Variants in TIAM1 observed in about 807,000 individuals in gnomAD.
The protein encoded by TIAM1 is rho guanine nucleotide exchange factor TIAM1.
In TIAM1, 65 loss-of-function variants were observed where a neutral mutation model predicts 163.5. The ratio of observed to expected loss-of-function variants is 0.40; its 90% CI spans 0.33 to 0.49. TIAM1 has a LOEUF of 0.49. TIAM1 is among the 20% of genes least tolerant of loss of function. The pLI, the probability that TIAM1 is intolerant of heterozygous loss-of-function variation, is 0.77. For synonymous variants in TIAM1, 833 were observed against 810.1 expected, an observed-to-expected ratio of 1.03 and a Z score of -0.48; for missense variants, 1,789 against 2,044.7, an observed-to-expected ratio of 0.87 and a Z score of 2.41.
chr21:31,223,716 G>A, intron 7 of TIAM1, 125 bp from the exon 8 acceptor site: 1 of 959,662 alleles, frequency 1.0e-6, no homozygotes, highest in Non-Finnish European at 1.4e-6. Context: ...ATAAACAACA[G>A]GTACCTAAGT....
chr21:31,305,571 G>C (rs967942434), intron 2 of TIAM1, among the ~76,000 whole-genome samples: 1 of 152,118 alleles, frequency 6.6e-6, no homozygotes, highest in Non-Finnish European at 1.5e-5. Flanking sequence ...TCTTTAAAAA[G>C]CTGCCCTCCT....
chr21:31,439,988 G>A (rs1199091854), intron 2 of TIAM1, among the ~76,000 whole-genome samples: 1 of 152,132 alleles, frequency 6.6e-6, no homozygotes, highest in East Asian at 1.9e-4. Context: ...TTGATCACCG[G>A]CAATGTAACC....
intron 2 of TIAM1, among the ~76,000 whole-genome samples, chr21:31,290,141 G>A (rs2073963915): frequency 6.6e-6 from 1 of 152,086 alleles, no homozygotes; most frequent in Non-Finnish European, 1.5e-5. Context: ...TATTTATATA[G>A]CACATAATTT....
intron 19 of TIAM1, among the ~76,000 whole-genome samples, chr21:31,149,193 T>C (rs1040755557): frequency 5.9e-5 from 9 of 152,216 alleles, no homozygotes; most frequent in South Asian, 2.1e-4. Flanking sequence ...GTCCCACTTA[T>C]GTGGAATTGA....
At chr21:31,481,249 T>C (rs2046100647) in intron 1 of TIAM1, among the ~76,000 whole-genome samples, 1 of 152,132 alleles carries the variant, frequency 6.6e-6, no homozygotes. Flanking sequence ...TTAACCCAGA[T>C]GCCAAAGGTA....
intron 20 of TIAM1, among the ~76,000 whole-genome samples, chr21:31,144,843 A>AG (rs1186353772): frequency 4.0e-5 from 6 of 150,458 alleles, no homozygotes; most frequent in Non-Finnish European, 5.9e-5. Context: ...AAAAAAAAAA[A>AG]AAAAAAAAAG....
At chr21:31,533,825 A>G (rs1217116140) in intron 1 of TIAM1, among the ~76,000 whole-genome samples, 4 of 152,236 alleles carry the variant, frequency 2.6e-5, no homozygotes, top group South Asian at 2.1e-4. Flanking sequence ...TTATGCTGAC[A>G]GTACTTCCCA....
chr21:31,285,191 C>CG (rs371348176), intron 2 of TIAM1, among the ~76,000 whole-genome samples: 1 of 151,616 alleles, frequency 6.6e-6, no homozygotes, highest in African/African-American at 2.4e-5. Context: ...AAGCCACCCC[C>CG]CCAAGCCAAT....
chr21:31,546,959 G>A (rs899467113), intron 1 of TIAM1, among the ~76,000 whole-genome samples: 2 of 27,900 alleles, frequency 7.2e-5, no homozygotes, highest in Admixed American at 4.7e-4. Flanking sequence ...CCAAAATAGT[G>A]GGGGGGGGCT....
intron 2 of TIAM1, among the ~76,000 whole-genome samples, chr21:31,282,967 C>T (rs568977104): frequency 6.6e-6 from 1 of 152,340 alleles, no homozygotes; most frequent in South Asian, 2.1e-4. Context: ...AAGTCAACCA[C>T]AAGTTGGGAA....
rs556040039 is a variant in TIAM1 at position 31,407,243 on chromosome 21, G to A, written c.-369+56740C>T. Among the ~76,000 whole-genome samples the A allele has an allele frequency of 9.9e-5, 15 of 152,182 alleles. No individual in the cohort carries two copies. In the South Asian group the frequency reaches 1.7e-3, roughly 17 times the overall value. ...AGTGTGTGAAGCCAAAATTGTAAAC[G>A]CTGCTAAAATCCCTGGAGTTGTTTA... is the stretch of plus-strand genomic sequence containing the variant. On this transcript the variant is annotated intron_variant, in intron 2 of 28. Transcript: ENST00000286827.
intron 2 of TIAM1, among the ~76,000 whole-genome samples, chr21:31,430,305 C>A (rs375775095): frequency 2.0e-5 from 3 of 149,388 alleles, no homozygotes; most frequent in Non-Finnish European, 3.0e-5. Flanking sequence ...TGGGGAATCC[C>A]CATGATAAAT....
rs182191021 is a variant in TIAM1 at position 31,123,675 on chromosome 21, G to A, written c.4306+847C>T. The stretch of plus-strand genomic sequence containing the variant: ...GGGTACAAAGGCCAGAAACTTTTCT[G>A]GCAAGTGCAAAGGGGGCCTTCTTTT... On this transcript the variant is annotated intron_variant, in intron 27 of 27. Transcript: ENST00000541036. 2.4e-3 allele frequency among the ~76,000 whole-genome samples: 360 copies of A among 152,264 alleles called. 5 individuals carry two copies. Among genetic ancestry groups the A allele is most frequent in the Admixed American group, 0.02 (313 of 15,300 alleles).
At chr21:31,390,523 C>G (rs1481090488) in intron 2 of TIAM1, among the ~76,000 whole-genome samples, 2 of 152,106 alleles carry the variant, frequency 1.3e-5, no homozygotes, top group African/African-American at 4.8e-5. Context: ...TGCAGGAGCA[C>G]CTATACAATC....
At position 31,141,039 on chromosome 21, in the gene TIAM1, T is replaced by TA; in HGVS notation, c.3774+78dup. On this transcript the variant is annotated intron_variant, in intron 22 of 27. Transcript: ENST00000541036. This position sits in a 1 kb window ranked among gnomAD's most constrained non-coding sequence, Gnocchi z 4.7. Reference sequence around the variant, plus strand: ...ATTTTACTTACAAGTAACACCTTTTTAAAAAATAAATAAATAAATAAAAGC... The same window carrying TA: ...ATTTTACTTACAAGTAACACCTTTTTAAAAAAATAAATAAATAAATAAAAGC... 8.7e-7 allele frequency: 1 copy of TA among 1,153,290 alleles called. No homozygotes were observed. Among genetic ancestry groups the TA allele is most frequent in the Non-Finnish European group, 1.2e-6 (1 of 817,778 alleles). 71.4% of individuals were successfully genotyped at this position (1,153,290 alleles called of 1,614,324 possible).
At chr21:31,135,737 G>A (rs1433076922) in intron 23 of TIAM1, among the ~76,000 whole-genome samples, 196 bp downstream of exon 23, 1 of 152,178 alleles carries the variant, frequency 6.6e-6, no homozygotes, top group Non-Finnish European at 1.5e-5. Context: ...ATGTGGCTGA[G>A]TGACCACATA....
At chr21:31,269,667 GTTTGT>G (rs1308475245) in intron 3 of TIAM1, among the ~76,000 whole-genome samples, 7 of 130,588 alleles carry the variant, frequency 5.4e-5, no homozygotes, top group African/African-American at 1.5e-4. Flanking sequence ...CTTTAAGTTT[GTTTGT>G]TTTTTTTTTT....
intron 2 of TIAM1, among the ~76,000 whole-genome samples, chr21:31,372,673 T>A (rs1457839654): frequency 1.3e-5 from 2 of 152,130 alleles, no homozygotes; most frequent in Admixed American, 6.5e-5. Context: ...CAACATGACA[T>A]AAAAGATACA....
chr21:31,404,998 T>G (rs376824092), intron 2 of TIAM1, among the ~76,000 whole-genome samples: 1 of 151,910 alleles, frequency 6.6e-6, no homozygotes, highest in Non-Finnish European at 1.5e-5. Flanking sequence ...TCTCAGCACT[T>G]TGGGAGGCCG....
Sources: gnomAD v4.1 joint callset for allele counts (sites outside exome capture counted in the v4.1 genomes callset) on GRCh38, gnomAD v4.1.1 for gene constraint, Gnocchi (gnomAD v3.1) non-coding constraint, MANE v1.5 for transcripts, NCBI Gene and HGNC (gene_info 2026-07-23, HGNC 2026-07-21) for gene names.